The following ADGRF3 variants were observed in gnomAD, a reference collection of about 807,000 sequenced individuals.
ADGRF3 encodes adhesion G protein-coupled receptor F3.
A neutral mutation model predicts 93.2 loss-of-function variants in ADGRF3; 85 were observed. That is an observed-to-expected ratio of 0.91 (90% CI 0.77 to 1.09). ADGRF3 has a LOEUF of 1.09. ADGRF3 is among the 50% of genes least tolerant of loss of function. The probability of loss-of-function intolerance (pLI) is 0.00; values close to 1 mark genes in which losing one functional copy is unlikely to be tolerated. For synonymous variants in ADGRF3, 534 were observed against 532.5 expected (o/e 1.00, Z -0.04); for missense variants, 1,125 against 1,246.2 (o/e 0.90, Z 1.46).
chr2:26,309,242 G>A, intron 13 of ADGRF3, 135 bp from the exon 14 acceptor site: 2 of 1,596,466 alleles, frequency 1.3e-6, no homozygotes, highest in Non-Finnish European at 1.7e-6. Flanking sequence ...GTGTGATAAT[G>A]TGAAAAGGAA....
intron 1 of ADGRF3, among the ~76,000 whole-genome samples, chr2:26,335,170 A>G (rs1380721194): frequency 6.6e-6 from 1 of 152,182 alleles, no homozygotes; most frequent in East Asian, 1.9e-4. Context: ...CCCTAAAAGA[A>G]ATCTCACACT....
intron 1 of ADGRF3, chr2:26,345,620 C>G (rs1676671395): frequency 6.5e-6 from 1 of 154,060 alleles, no homozygotes; most frequent in Non-Finnish European, 1.5e-5. Flanking sequence ...CTACGGCACG[C>G]AGCGCACCGC....
intron 1 of ADGRF3, chr2:26,318,818 G>C: frequency 7.5e-7 from 1 of 1,327,530 alleles, no homozygotes; most frequent in Non-Finnish European, 1.0e-6. Context: ...TCATAACAAA[G>C]CATCCACTTT....
rs1281689362 is a variant in ADGRF3, at chr2:26,311,795, A to G, written c.1729T>C (p.Leu577=). ...AQIPRHSLAP[L]VRNGTEISIT... ...CTTATTTCAGTTCCATTACGGACCA[A>G]TGGGGCCAGTGAGTGCCTGGGAATC... Residue 577 remains leucine (L), a synonymous_variant, in exon 10 of 14, where the codon TTG becomes CTG. Transcript: ENST00000651242. 5.6e-6 allele frequency: 9 copies of G among 1,613,794 alleles called. No individual in the cohort carries two copies. Among genetic ancestry groups the G allele is most frequent in the South Asian group, 2.2e-5 (2 of 91,050 alleles).
At chr2:26,310,648 C>T in intron 10 of ADGRF3, 44 bp downstream of exon 10, 1 of 1,561,668 alleles carries the variant, frequency 6.4e-7, no homozygotes, top group Non-Finnish European at 8.7e-7. Flanking sequence ...GTGACTTAGA[C>T]CATCTAAAAA....
rs1674564133 is a variant in ADGRF3 at position 26,315,466 on chromosome 2, G to A, written c.718+56C>T. On this transcript the variant is annotated intron_variant, in intron 5 of 13. Coordinates refer to ENST00000651242, the MANE Select transcript of ADGRF3 (RefSeq NM_001321971.2). ...AAGGAAAGCAGAGAAGGAAGACGAG[G>A]ATGAAGGGAAGTAAGAGGAAGGAGA... 5.3e-6 allele frequency: 8 copies of A among 1,514,872 alleles called. 1 individual carries two copies. The Admixed American group carries it at 1.6e-4, about 31-fold the overall frequency. 93.8% of individuals were successfully genotyped at this position (1,514,872 alleles called of 1,614,324 possible).
intron 1 of ADGRF3, among the ~76,000 whole-genome samples, chr2:26,318,531 A>C (rs553292708): frequency 6.6e-6 from 1 of 152,358 alleles, no homozygotes; most frequent in African/African-American, 2.4e-5. Context: ...GCTTAGTGAC[A>C]TATAGACATA....
chr2:26,318,123 T>A, intron 1 of ADGRF3: 1 of 1,532,888 alleles, frequency 6.5e-7, no homozygotes. Flanking sequence ...GAAGGGTCTG[T>A]CTGGTAGGGA....
At position 26,313,802 on chromosome 2, in the gene ADGRF3, G is replaced by C. The variant is rs752432755; in HGVS notation, c.1030C>G (p.Leu344Val). The change falls in exon 7 of 14, where the codon CTG becomes GTG. Residue 344 changes from leucine (L) to valine (V), a missense_variant. Leu to Val is a conservative substitution (Grantham distance 32). Coordinates refer to ENST00000651242, the MANE Select transcript of ADGRF3 (RefSeq NM_001321971.2). ...TYACDLQSLG[L>V]APLRVPISIT... is the part of the protein sequence containing the mutation. ...GAGATGGGGACCCTGAGTGGAGCCA[G>C]GCCCAGGCTCTGCAGGTCACAAGCG... 6.2e-7 allele frequency: 1 copy of C among 1,613,990 alleles called. No individual in the cohort carries two copies. Among genetic ancestry groups the C allele is most frequent in the East Asian group, 2.2e-5 (1 of 44,874 alleles).
At chr2:26,323,551 C>T (rs192492922) in intron 1 of ADGRF3, among the ~76,000 whole-genome samples, 58 of 151,976 alleles carry the variant, frequency 3.8e-4, no homozygotes, top group African/African-American at 1.3e-3. Flanking sequence ...ATTCTCCCAC[C>T]TCAGCCTGCC....
intron 1 of ADGRF3, among the ~76,000 whole-genome samples, chr2:26,339,558 AT>A (rs1233970979): frequency 6.6e-6 from 1 of 152,020 alleles, no homozygotes; most frequent in South Asian, 2.1e-4. Flanking sequence ...TTTAATGTAT[AT>A]TTTTTTCTTT....
At chr2:26,314,304 C>T (rs776917173) in intron 6 of ADGRF3, 110 bp downstream of exon 6, 4 of 1,027,152 alleles carry the variant, frequency 3.9e-6, no homozygotes, top group Non-Finnish European at 5.6e-6. Context: ...GGACCCCACT[C>T]TCTGGTTGAA....
At chr2:26,310,617 C>A in intron 10 of ADGRF3, 75 bp downstream of exon 10, 3 of 1,456,038 alleles carry the variant, frequency 2.1e-6, no homozygotes, top group East Asian at 2.5e-5. Context: ...ACCTTGGTAC[C>A]TCCTAGAGAA....
chr2:26,346,226 G>A lies in ADGRF3; in HGVS notation c.9C>T (p.Thr3=). 6.2e-7 allele frequency: 1 copy of A among 1,613,686 alleles called. No homozygotes were observed. The highest frequency in any genetic ancestry group is 8.5e-7 in the Non-Finnish European group (1 of 1,179,662). Residue 3 remains threonine, a synonymous_variant, in exon 1 of 14, where the codon ACC becomes ACT. Coordinates refer to ENST00000651242, the MANE Select transcript of ADGRF3 (RefSeq NM_001321971.2). The part of the protein sequence containing the change: MT[T]RKLSAHSAAT... ...CTGCCGAGTGGGCGCTCAGTTTTCG[G>A]GTCGTCATGGCTGGCTACGAATACG...
In ADGRF3 at chr2:26,310,675, AC is replaced by A. The variant is rs771253442; in HGVS notation, c.2832+16del. ...ATCTAAAAAAGCAAAAAACACAGCC[AC>A]CCCCCTATCACCTACCTGGAGGGTG... On this transcript the variant is annotated intron_variant, in intron 10 of 13. Transcript: ENST00000651242. 96 of 1,600,822 alleles carry A rather than the reference AC, an allele frequency of 6.0e-5. No individual in the cohort carries two copies. The highest frequency in any genetic ancestry group is 3.3e-4 in the Middle Eastern group (2 of 6,076).
chr2:26,325,504 TC>T (rs1177897990), intron 1 of ADGRF3, among the ~76,000 whole-genome samples: 1 of 152,204 alleles, frequency 6.6e-6, no homozygotes, highest in Non-Finnish European at 1.5e-5. Flanking sequence ...CTGGGACTGT[TC>T]AGAAAACCCT....
chr2:26,313,159 G>A, intron 8 of ADGRF3, 37 bp from the exon 9 acceptor site: 1 of 1,609,352 alleles, frequency 6.2e-7, no homozygotes, highest in Non-Finnish European at 8.5e-7. Flanking sequence ...GGGACACATG[G>A]TGGAATGATG....
intron 13 of ADGRF3, 69 bp downstream of exon 13, chr2:26,309,457 G>A (rs1673842704): frequency 6.4e-7 from 1 of 1,573,648 alleles, no homozygotes; most frequent in Non-Finnish European, 8.6e-7. Context: ...CACTTTGCCA[G>A]GAGGCCCTTT....
chr2:26,309,070 T>C lies in ADGRF3; in HGVS notation c.*16A>G, dbSNP rs753213364. The C allele has an allele frequency of 6.2e-7, 1 of 1,613,990 alleles. No homozygotes were observed. The highest frequency in any genetic ancestry group is 8.5e-7 in the Non-Finnish European group (1 of 1,179,886). On this transcript the variant is annotated 3_prime_UTR_variant, in exon 14 of 14. Coordinates refer to ENST00000651242, the MANE Select transcript of ADGRF3 (RefSeq NM_001321971.2). Reference sequence around the variant, plus strand: ...CAGCCTCAACTCCCTTGCAGGAACATGGGTCCGTGTGTGGTTCACTCTGAA... The same window carrying C: ...CAGCCTCAACTCCCTTGCAGGAACACGGGTCCGTGTGTGGTTCACTCTGAA...
Sources: allele counts gnomAD v4.1 joint callset (sites outside exome capture counted in the v4.1 genomes callset), GRCh38; gene constraint gnomAD v4.1.1; transcripts MANE v1.5; gene names NCBI Gene and HGNC (gene_info 2026-07-23, HGNC 2026-07-21).